FSCN2: variants seen among roughly 807,000 people sequenced by gnomAD.
The protein encoded by FSCN2 is fascin-2.
A neutral mutation model predicts 37.8 loss-of-function variants in FSCN2; 46 were observed. The ratio of observed to expected loss-of-function variants is 1.22; its 90% CI spans 0.96 to 1.56. FSCN2 has a LOEUF of 1.56. Among genes scored for constraint, FSCN2 ranks in the 40% most tolerant of loss-of-function variants. FSCN2 has a pLI of 0.00. For synonymous variants in FSCN2, 351 were observed against 309.4 expected (o/e 1.13, Z -1.41); for missense variants, 844 against 730.4 (o/e 1.16, Z -1.79).
the FSCN2 span, among the ~76,000 whole-genome samples, chr17:81,517,659 T>TC: frequency 6.6e-6 from 1 of 151,936 alleles, no homozygotes; most frequent in African/African-American, 2.4e-5. Context: ...AAGGCTCCTT[T>TC]CCCCAGGCCT....
At chr17:81,531,492 G>GTGATGGTGATGA (rs2032594752) in intron 1 of FSCN2, among the ~76,000 whole-genome samples, 1 of 115,326 alleles carries the variant, frequency 8.7e-6, no homozygotes, top group Non-Finnish European at 1.7e-5. Flanking sequence ...GGTGATGATG[G>GTGATGGTGATGA]TGATGGTGAT....
upstream of FSCN2, chr17:81,527,647 G>A: frequency 6.6e-6 from 1 of 152,492 alleles, no homozygotes; most frequent in Non-Finnish European, 1.5e-5. Flanking sequence ...ACTCCAAAGT[G>A]AAGTGAGGCT....
intron 1 of FSCN2, among the ~76,000 whole-genome samples, chr17:81,531,336 A>ATGG (rs1555671268): frequency 0.047 from 2,116 of 45,210 alleles, 197 homozygotes; most frequent in African/African-American, 0.16. Flanking sequence ...GGTGGTGGTG[A>ATGG]TGGTGGTGGT....
At chr17:81,515,092 G>C in the FSCN2 span, among the ~76,000 whole-genome samples, 2 of 151,936 alleles carry the variant, frequency 1.3e-5, no homozygotes, top group African/African-American at 4.8e-5. Context: ...ACCGACGGCG[G>C]CGGGGATGCG....
At chr17:81,524,893 T>TCTCACACA (rs1555669868), upstream of FSCN2, among the ~76,000 whole-genome samples, 1 of 122,712 alleles carries the variant, frequency 8.1e-6, no homozygotes, top group African/African-American at 2.8e-5. Context: ...ATGAGCACCT[T>TCTCACACA]CACACACACA....
intron 1 of FSCN2, among the ~76,000 whole-genome samples, chr17:81,531,650 G>C (rs1441559337): frequency 7.1e-6 from 1 of 141,094 alleles, no homozygotes; most frequent in Non-Finnish European, 1.6e-5. Flanking sequence ...TGGTGGTGAT[G>C]ATAGTGATGG....
In FSCN2 at chr17:81,528,416, C is replaced by T; in HGVS notation, c.-116C>T. On this transcript the variant is annotated 5_prime_UTR_variant, in exon 1 of 5. Coordinates refer to ENST00000417245, the MANE Select transcript of FSCN2 (RefSeq NM_012418.4). ...GCAGGCAGGGGGTTCGTGACGCCGG[C>T]TGGGTCTGGGGGCTGTGGGCCAGCC... The T allele has an allele frequency of 1.3e-6, 1 of 745,072 alleles. No homozygotes were observed. The highest frequency in any genetic ancestry group is 2.7e-5 in the East Asian group (1 of 36,998). 46.2% of individuals were successfully genotyped at this position (745,072 alleles called of 1,614,324 possible). A position where few individuals can be genotyped will look rare whatever the true frequency, so the allele number is the denominator to read the frequency against.
chr17:81,528,780 G>A lies in FSCN2; in HGVS notation c.249G>A (p.Gln83=), dbSNP rs1287727413. 5 of 1,567,566 alleles carry A rather than the reference G, an allele frequency of 3.2e-6. No homozygotes were observed. In the African/African-American group the frequency reaches 6.8e-5, roughly 21 times the overall value. ...GGCGCGTGGCCTGTGAGGCAGAGCA[G>A]CCGGGCCGTGACTGCCGCTTCCTGG... The part of the protein sequence containing the change: ...EDGRVACEAE[Q]PGRDCRFLVL... The change falls in exon 1 of 5, where the codon CAG becomes CAA. Residue 83 remains glutamine (Q), a synonymous_variant. Coordinates refer to ENST00000417245, the MANE Select transcript of FSCN2 (RefSeq NM_012418.4).
In FSCN2 at chr17:81,528,672, G is replaced by T. The variant is rs1420613061; in HGVS notation, c.141G>T (p.Val47=). The T allele has an allele frequency of 1.9e-6, 3 of 1,601,294 alleles. No homozygotes were observed. Among genetic ancestry groups the T allele is most frequent in the Non-Finnish European group, 2.6e-6 (3 of 1,174,876 alleles). The change falls in exon 1 of 5, where the codon GTG becomes GTT. Residue 47 remains valine (V), a synonymous_variant. Coordinates refer to ENST00000417245, the MANE Select transcript of FSCN2 (RefSeq NM_012418.4). ...GCCTCAAGAGGAAGCAGACCTGGGT[G>T]CTGGAACCCGACCCAGGACAAGGCA... ...APSLKRKQTW[V]LEPDPGQGTA...
chr17:81,530,140 A>T (rs1555671047), intron 1 of FSCN2: 1 of 282,518 alleles, frequency 3.5e-6, no homozygotes, highest in East Asian at 9.8e-5. Context: ...GAAATTGGGG[A>T]GGAGCCCAGG....
chr17:81,536,956 A>C lies in FSCN2; in HGVS notation c.1355A>C (p.Glu452Ala), dbSNP rs774188211. 2 of 1,559,686 alleles carry C rather than the reference A, an allele frequency of 1.3e-6. No individual in the cohort carries two copies. Among genetic ancestry groups the C allele is most frequent in the East Asian group, 5.0e-5 (2 of 40,336 alleles). Reference protein sequence around the residue: ...DGERAEDFVFEFRERGRLAIR... With the variant: ...DGERAEDFVFAFRERGRLAIR... The stretch of plus-strand genomic sequence containing the variant: ...GAACGCGCCGAGGACTTCGTCTTCG[A>C]GTTCCGTGAGCGCGGCCGCCTGGCC... The change falls in exon 5 of 5, where the codon GAG becomes GCG. Residue 452 changes from glutamate (E) to alanine (A), a missense_variant. Coordinates refer to ENST00000417245, the MANE Select transcript of FSCN2 (RefSeq NM_012418.4).
Position 81,528,951 on chromosome 17 carries a change from G to A in FSCN2, c.420G>A (p.Gln140=). 6.3e-7 allele frequency: 1 copy of A among 1,590,664 alleles called. No homozygotes were observed. The highest frequency in any genetic ancestry group is 8.5e-7 in the Non-Finnish European group (1 of 1,172,638). The change falls in exon 1 of 5, where the codon CAG becomes CAA. Residue 140 remains glutamine (Q), a synonymous_variant. Transcript: ENST00000417245. Reference sequence around the variant, plus strand: ...CCGTGCACCTGGCCATCCACCCGCAGGCCCACCTGCTGAGCGTGAGCCGGC... The same window carrying A: ...CCGTGCACCTGGCCATCCACCCGCAAGCCCACCTGCTGAGCGTGAGCCGGC... ...LWTVHLAIHP[Q]AHLLSVSRRR...
chr17:81,528,868 G>A lies in FSCN2; in HGVS notation c.337G>A (p.Gly113Ser), dbSNP rs1555670638. The A allele has an allele frequency of 1.9e-6, 3 of 1,563,440 alleles. No homozygotes were observed. Among genetic ancestry groups the A allele is most frequent in the Non-Finnish European group, 2.6e-6 (3 of 1,157,468 alleles). Residue 113 changes from glycine (G) to serine (S), a missense_variant, in exon 1 of 5, where the codon GGC becomes AGC. By Grantham distance (56) the Gly-to-Ser change is moderately conservative (BLOSUM62 0). Transcript: ENST00000417245. Reference protein sequence around the residue: ...RSEPHGRFFGGTEDQLSCFAT... With the variant: ...RSEPHGRFFGSTEDQLSCFAT... ...CGAGCCGCACGGCCGCTTCTTCGGA[G>A]GCACCGAGGACCAGCTGTCCTGCTT...
intron 2 of FSCN2, among the ~76,000 whole-genome samples, chr17:81,535,580 CATCTCT>C (rs1415017908): frequency 6.9e-6 from 1 of 144,078 alleles, no homozygotes; most frequent in Non-Finnish European, 1.5e-5. Context: ...TCACCATCCC[CATCTCT>C]ATCTCTACCA....
rs1407627613 is a variant in FSCN2, at chr17:81,536,861, G to A, written c.1274-14G>A. The A allele has an allele frequency of 1.1e-5, 17 of 1,560,700 alleles. No homozygotes were observed. The highest frequency in any genetic ancestry group is 1.9e-5 in the Admixed American group (1 of 53,764). On this transcript the variant is annotated splice_polypyrimidine_tract_variant and intron_variant, in intron 4 of 4. Transcript: ENST00000417245. The stretch of plus-strand genomic sequence containing the variant: ...GCAGGTGGGCACCCCCGCCGACGCC[G>A]TCCCGTCCCCCAGGCCGCGACGGAG...
chr17:81,516,918 G>C, the FSCN2 span, among the ~76,000 whole-genome samples: 1 of 152,146 alleles, frequency 6.6e-6, no homozygotes, highest in Non-Finnish European at 1.5e-5. Flanking sequence ...CTGGTCCCCA[G>C]ACCAGGTCTC....
chr17:81,531,348 A>ATGGTGG (rs1568077210), intron 1 of FSCN2, among the ~76,000 whole-genome samples: 8 of 25,000 alleles, frequency 3.2e-4, no homozygotes, highest in Non-Finnish European at 6.9e-4. Flanking sequence ...GGTGGTGGTG[A>ATGGTGG]TGATGGTGAT....
Position 81,532,563 on chromosome 17 carries a change from ATGGTGATGG to A in FSCN2, c.827-2480_827-2472del, listed in dbSNP as rs1246481317. 6.4e-5 allele frequency among the ~76,000 whole-genome samples: 9 copies of A among 140,256 alleles called. No individual in the cohort carries two copies. In the South Asian group the frequency reaches 1.5e-3, roughly 23 times the overall value. 92.0% of individuals were successfully genotyped at this position (140,256 alleles called of 152,430 possible). A position where few individuals can be genotyped will look rare whatever the true frequency, so the allele number is the denominator to read the frequency against. On this transcript the variant is annotated intron_variant, in intron 1 of 4. Transcript: ENST00000417245. ...GATGGTGGTGATGGTGATGGTGGTG[ATGGTGATGG>A]TGGTGATGATAGTGATGGTGATGGT...
upstream of FSCN2, chr17:81,523,677 T>A (rs1555669733): frequency 6.6e-6 from 1 of 151,724 alleles, no homozygotes. Context: ...CCAACAGGAG[T>A]GGCAGCGGTC....
Sources: gnomAD v4.1 joint callset for allele counts (sites outside exome capture counted in the v4.1 genomes callset) on GRCh38, gnomAD v4.1.1 for gene constraint, MANE v1.5 for transcripts, NCBI Gene and HGNC (gene_info 2026-07-23, HGNC 2026-07-21) for gene names.